AFAP1: variants seen among roughly 807,000 people sequenced by gnomAD.
AFAP1 encodes actin filament associated protein 1, also known as actin filament-associated protein 1.
Under a neutral mutation model 93.9 loss-of-function variants are expected in AFAP1, and 75 were observed. That is an observed-to-expected ratio of 0.80 (90% CI 0.66 to 0.97). The LOEUF is 0.97. Ranked by LOEUF, AFAP1 falls within the 50% of genes least tolerant of loss-of-function variation. The probability of loss-of-function intolerance (pLI) is 0.00; values close to 1 mark genes in which losing one functional copy is unlikely to be tolerated. For synonymous variants in AFAP1, 517 were observed against 430.7 expected (o/e 1.20, Z -2.48); for missense variants, 1,201 against 1,050.8 (o/e 1.14, Z -1.98).
intron 3 of AFAP1, among the ~76,000 whole-genome samples, chr4:7,867,832 C>T (rs1216647094): frequency 6.6e-6 from 1 of 152,116 alleles, no homozygotes; most frequent in East Asian, 1.9e-4. Context: ...CCCTCCAAGA[C>T]TCTTGAGCAC....
intron 17 of AFAP1, among the ~76,000 whole-genome samples, chr4:7,765,799 T>G (rs947519648): frequency 2.6e-5 from 4 of 152,198 alleles, no homozygotes; most frequent in African/African-American, 9.7e-5. Flanking sequence ...GAGAGGTTGC[T>G]TCATCTCTCT....
At chr4:7,772,597 C>T (rs1429721678) in intron 16 of AFAP1, 3 of 546,400 alleles carry the variant, frequency 5.5e-6, no homozygotes, top group Non-Finnish European at 9.7e-6. Context: ...TCAGCATTTC[C>T]ACAGCTTTTA....
At chr4:7,906,673 G>A (rs944958954) in intron 1 of AFAP1, among the ~76,000 whole-genome samples, 1 of 152,312 alleles carries the variant, frequency 6.6e-6, no homozygotes, top group South Asian at 2.1e-4. Context: ...GCTAAACAAC[G>A]AAGAGGTTTT....
intron 1 of AFAP1, among the ~76,000 whole-genome samples, chr4:7,872,916 G>A (rs1461398800): frequency 7.9e-6 from 1 of 126,310 alleles, no homozygotes; most frequent in Non-Finnish European, 1.6e-5. Context: ...ATACTCACAG[G>A]TTTTTTTTCC....
rs748067144 is a variant in AFAP1, at chr4:7,868,705, C to G, written c.142G>C (p.Asp48His). 1 of 1,613,406 alleles carries G rather than the reference C, an allele frequency of 6.2e-7. No individual in the cohort carries two copies. The highest frequency in any genetic ancestry group is 2.2e-5 in the East Asian group (1 of 44,880). ...IQSSKGFDVK[D>H]HAQKQETANS... ...GCGGTCTCCTGCTTCTGAGCATGGT[C>G]CTTCACATCAAAACCTGTAAGAATT... The change falls in exon 3 of 18, where the codon GAC becomes CAC. Residue 48 changes from aspartate to histidine, a missense_variant. Transcript: ENST00000420658.
chr4:7,818,841 T>C (rs1393910873), intron 7 of AFAP1, among the ~76,000 whole-genome samples: 1 of 152,216 alleles, frequency 6.6e-6, no homozygotes. Flanking sequence ...CCCTCACACA[T>C]TTAAATCCAT....
chr4:7,876,445 A>C (rs1329618948), intron 1 of AFAP1, among the ~76,000 whole-genome samples: 1 of 152,240 alleles, frequency 6.6e-6, no homozygotes, highest in East Asian at 1.9e-4. Context: ...CTGAAGACTA[A>C]GAAACAGGAT....
intron 3 of AFAP1, among the ~76,000 whole-genome samples, chr4:7,858,142 CT>C (rs1240419873): frequency 3.9e-5 from 6 of 152,242 alleles, no homozygotes; most frequent in Non-Finnish European, 5.9e-5. Context: ...CTTTATTAAC[CT>C]CTACGAGATA....
At chr4:7,811,572 T>C (rs957712305) in intron 8 of AFAP1, among the ~76,000 whole-genome samples, 1 of 152,048 alleles carries the variant, frequency 6.6e-6, no homozygotes, top group African/African-American at 2.4e-5. Context: ...ATACCCCTGG[T>C]GTCTCCTGCC....
chr4:7,878,030 G>C (rs973749841), intron 1 of AFAP1, among the ~76,000 whole-genome samples: 3 of 152,146 alleles, frequency 2.0e-5, no homozygotes, highest in Non-Finnish European at 4.4e-5. Context: ...AAACACACAT[G>C]GCTGGTGGGC....
At chr4:7,832,395 T>C (rs1711735968) in intron 6 of AFAP1, among the ~76,000 whole-genome samples, 1 of 151,722 alleles carries the variant, frequency 6.6e-6, no homozygotes, top group Non-Finnish European at 1.5e-5. Flanking sequence ...CCACTGCTCT[T>C]GTCATGGGGT....
At chr4:7,816,170 C>G in intron 7 of AFAP1, 71 bp from the exon 8 acceptor site, 1 of 1,273,256 alleles carries the variant, frequency 7.9e-7, no homozygotes, top group Non-Finnish European at 1.1e-6. Flanking sequence ...ATGGATCAAC[C>G]AAAAGTTATC....
intron 1 of AFAP1, among the ~76,000 whole-genome samples, chr4:7,926,090 A>T (rs192999449): frequency 6.6e-6 from 1 of 152,282 alleles, no homozygotes. Flanking sequence ...TGATCCCTAC[A>T]CCTTAGCATC....
chr4:7,784,129 C>T (rs1049932792), intron 12 of AFAP1, among the ~76,000 whole-genome samples: 3 of 152,156 alleles, frequency 2.0e-5, no homozygotes, highest in African/African-American at 4.8e-5. Context: ...GCACAAGCCC[C>T]TACCCAGGGG....
chr4:7,802,359 G>T (rs935086823), intron 9 of AFAP1, among the ~76,000 whole-genome samples: 2 of 152,184 alleles, frequency 1.3e-5, no homozygotes, highest in Non-Finnish European at 2.9e-5. Flanking sequence ...CAAGCTCCTT[G>T]TATTTCAGAC....
At chr4:7,834,092 T>TACACACACACACACACACACACACAC (rs142790415) in intron 6 of AFAP1, among the ~76,000 whole-genome samples, 2 of 126,588 alleles carry the variant, frequency 1.6e-5, no homozygotes, top group African/African-American at 6.4e-5. Context: ...AACTGTGGCA[T>TACACACACACACACACACACACACAC]ACACACACAC....
intron 1 of AFAP1, among the ~76,000 whole-genome samples, chr4:7,899,892 G>T (rs1193242828): frequency 8.3e-6 from 1 of 121,068 alleles, no homozygotes; most frequent in African/African-American, 2.8e-5. Flanking sequence ...AAAAAAGGAA[G>T]GGGTCAAGAA....
At chr4:7,921,689 T>C (rs1560237699) in intron 1 of AFAP1, among the ~76,000 whole-genome samples, 1 of 152,250 alleles carries the variant, frequency 6.6e-6, no homozygotes, top group Non-Finnish European at 1.5e-5. Flanking sequence ...ATGCATCCTA[T>C]GCACATATTC....
In AFAP1 at chr4:7,781,437, G is replaced by C. The variant is rs758899027; in HGVS notation, c.1721C>G (p.Ser574Cys). 5.8e-6 allele frequency: 9 copies of C among 1,552,132 alleles called. No homozygotes were observed. In the African/African-American group the frequency reaches 1.1e-4, roughly 19 times the overall value. The change falls in exon 13 of 18, where the codon TCC becomes TGC. Residue 574 changes from serine to cysteine, a missense_variant. By Grantham distance (112) the Ser-to-Cys change is moderately radical. Transcript: ENST00000420658. ...AGAGGTATTAGTGACAGACTGAGCG[G>C]AGGCAGGGTATTTGTAATGGTTAGA... Reference protein sequence around the residue: ...LSSNHYKYPASAQSVTNTSSV... With the variant: ...LSSNHYKYPACAQSVTNTSSV...
Sources: allele counts gnomAD v4.1 joint callset (sites outside exome capture counted in the v4.1 genomes callset), GRCh38; gene constraint gnomAD v4.1.1; transcripts MANE v1.5; gene names NCBI Gene and HGNC (gene_info 2026-07-23, HGNC 2026-07-21).